Variants in ITPKB observed in about 807,000 individuals in gnomAD.
ITPKB encodes inositol-trisphosphate 3-kinase B.
A neutral mutation model predicts 69.4 loss-of-function variants in ITPKB; 13 were observed. The observed-to-expected ratio is 0.19, with a 90% confidence interval of 0.12 to 0.30. The LOEUF is 0.30. Among genes scored for constraint, ITPKB ranks in the 10% least tolerant of loss-of-function variants. The pLI is 1.00. For synonymous variants in ITPKB, 584 were observed against 513.7 expected (o/e 1.14, Z -1.85); for missense variants, 1,240 against 1,250.5 (o/e 0.99, Z 0.13).
In ITPKB at chr1:226,637,394, G is replaced by A. The variant is rs573993954; in HGVS notation, c.2625+285C>T. Among the ~76,000 whole-genome samples the A allele has an allele frequency of 2.7e-4, 41 of 152,358 alleles. No homozygotes were observed. Among genetic ancestry groups the A allele is most frequent in the Non-Finnish European group, 4.9e-4 (33 of 68,026 alleles). Reference sequence around the variant, plus strand: ...CTGAGACCACGGGTGTGTGGGATATGAGTCCTGCCACCACTGCCCAGAATG... The same window carrying A: ...CTGAGACCACGGGTGTGTGGGATATAAGTCCTGCCACCACTGCCCAGAATG... On this transcript the variant is annotated intron_variant, in intron 7 of 7. Transcript: ENST00000429204. The surrounding 1 kb of genome is among the most constrained non-coding windows in gnomAD (Gnocchi z 4.3).
At chr1:226,707,029 T>C (rs1247889606) in intron 2 of ITPKB, among the ~76,000 whole-genome samples, 1 of 152,144 alleles carries the variant, frequency 6.6e-6, no homozygotes, top group Admixed American at 6.5e-5. Context: ...CTAAGGGTGG[T>C]TGCATAAGAA....
intron 2 of ITPKB, among the ~76,000 whole-genome samples, chr1:226,708,134 G>T (rs1656855970): frequency 6.6e-6 from 1 of 152,090 alleles, no homozygotes; most frequent in Non-Finnish European, 1.5e-5. Context: ...CAATCAGATT[G>T]CAATTATGTA....
At position 226,658,030 on chromosome 1, in the gene ITPKB, G is replaced by C. The variant is rs575847910; in HGVS notation, c.1933-9259C>G. ...CACATCTAACAAAGCGTCGAAAGTG[G>C]ATGAAGAACGCCCCTGCCAGGGGAG... On this transcript the variant is annotated intron_variant, in intron 2 of 7. Transcript: ENST00000429204. Among the ~76,000 whole-genome samples the C allele has an allele frequency of 5.3e-5, 8 of 152,326 alleles. No homozygotes were observed. The South Asian group carries it at 8.3e-4, about 16-fold the overall frequency.
rs1373594099 is a variant in ITPKB at position 226,650,257 on chromosome 1, T to TA, written c.1933-1487dup. Among the ~76,000 whole-genome samples, 4 of 152,226 alleles carry TA rather than the reference T, an allele frequency of 2.6e-5. No homozygotes were observed. In the South Asian group the frequency reaches 8.3e-4, roughly 32 times the overall value. On this transcript the variant is annotated intron_variant, in intron 2 of 7. Transcript: ENST00000429204. ...CGCTTCTGTCATCAGGTTTTCAAGT[T>TA]AAAATCTATTTAAGGAGAGGAATTC...
intron 2 of ITPKB, among the ~76,000 whole-genome samples, chr1:226,717,468 G>A (rs1034864520): frequency 1.3e-5 from 2 of 152,130 alleles, no homozygotes; most frequent in East Asian, 3.8e-4. Flanking sequence ...GAGAGACAAA[G>A]GGAAGCACCA....
intron 2 of ITPKB, among the ~76,000 whole-genome samples, chr1:226,716,952 G>A (rs1657111123): frequency 6.6e-6 from 1 of 152,178 alleles, no homozygotes; most frequent in African/African-American, 2.4e-5. Flanking sequence ...CACCAAAGGA[G>A]ATTTTGCAAA....
At position 226,737,367 on chromosome 1, in the gene ITPKB, C is replaced by T; in HGVS notation, c.92G>A (p.Ser31Asn). ...CCTCCTCGGGGGCGGGGGCGTCTCGCTGCCACTGGGCCCCGGGCCGCCGCC... is the reference window on the plus strand; with the variant it reads ...CCTCCTCGGGGGCGGGGGCGTCTCGTTGCCACTGGGCCCCGGGCCGCCGCC... ...KSGGGPGPSG[S>N]ETPPPPRRAV... Residue 31 changes from serine (S) to asparagine (N), a missense_variant, in exon 2 of 8, where the codon AGC becomes AAC. Ser to Asn is a conservative substitution (Grantham distance 46). Around this residue, in one of 2 missense-constraint regions of ITPKB, gnomAD observed 992 missense variants for 853.8 expected, o/e 1.16. Transcript: ENST00000429204. The T allele has an allele frequency of 6.2e-7, 1 of 1,608,154 alleles. No individual in the cohort carries two copies. The highest frequency in any genetic ancestry group is 8.5e-7 in the Non-Finnish European group (1 of 1,179,134).
chr1:226,670,882 T>C (rs960279156), intron 2 of ITPKB, among the ~76,000 whole-genome samples: 1 of 152,232 alleles, frequency 6.6e-6, no homozygotes, highest in Admixed American at 6.5e-5. Flanking sequence ...CGTAGGGTTA[T>C]GATGATACCT....
At chr1:226,725,147 C>T (rs922833993) in intron 2 of ITPKB, among the ~76,000 whole-genome samples, 2 of 152,186 alleles carry the variant, frequency 1.3e-5, no homozygotes, top group Admixed American at 6.5e-5. Flanking sequence ...GCTCAATGGC[C>T]GTACAACTTG....
chr1:226,696,514 G>A (rs549055234), intron 2 of ITPKB, among the ~76,000 whole-genome samples: 12 of 152,188 alleles, frequency 7.9e-5, no homozygotes, highest in South Asian at 2.1e-4. Context: ...GCACATGCCC[G>A]GCCCCTGTAT....
At chr1:226,691,929 G>C (rs1656363667) in intron 2 of ITPKB, among the ~76,000 whole-genome samples, 1 of 152,292 alleles carries the variant, frequency 6.6e-6, no homozygotes, top group East Asian at 1.9e-4. Context: ...GGCCCACCTG[G>C]AGTCTGTAGC....
chr1:226,647,299 A>G lies in ITPKB; in HGVS notation c.2114T>C (p.Val705Ala). Reference protein sequence around the residue: ...SEQRCLDRLMVDVLRPFVPAY... With the variant: ...SEQRCLDRLMADVLRPFVPAY... Reference sequence around the variant, plus strand: ...AGGTACGAAGGGCCTCAGCACATCCACCATCAGCCGGTCCAGGCAGCGCTG... The same window carrying G: ...AGGTACGAAGGGCCTCAGCACATCCGCCATCAGCCGGTCCAGGCAGCGCTG... Residue 705 changes from valine (V) to alanine (A), a missense_variant, in exon 4 of 8, where the codon GTG (valine) becomes GCG (alanine). By Grantham distance (64) the Val-to-Ala change is moderately conservative. This residue lies in a region of ITPKB where 248 missense variants were observed against 396.7 expected (regional missense o/e 0.63). Coordinates refer to ENST00000429204, the MANE Select transcript of ITPKB (RefSeq NM_002221.4). 1.2e-6 allele frequency: 2 copies of G among 1,614,174 alleles called. No individual in the cohort carries two copies. Among genetic ancestry groups the G allele is most frequent in the Non-Finnish European group, 1.7e-6 (2 of 1,180,006 alleles).
intron 2 of ITPKB, among the ~76,000 whole-genome samples, chr1:226,712,880 A>AAC (rs1287935124): frequency 6.6e-6 from 1 of 152,146 alleles, no homozygotes; most frequent in Non-Finnish European, 1.5e-5. Context: ...TTAAGCAGCT[A>AAC]TCAGCAAACC....
rs117216294 is a variant in ITPKB at position 226,682,948 on chromosome 1, A to G, written c.1933-34177T>C. Among the ~76,000 whole-genome samples, 3 of 152,278 alleles carry G rather than the reference A, an allele frequency of 2.0e-5. No homozygotes were observed. In the East Asian group the frequency reaches 5.8e-4, roughly 29 times the overall value. ...GTTCTACCTACCAAAGTGGGTAGCA[A>G]TCAGACTGGATTGTGTCACCCTGGA... On this transcript the variant is annotated intron_variant, in intron 2 of 7. Coordinates refer to ENST00000429204, the MANE Select transcript of ITPKB (RefSeq NM_002221.4).
chr1:226,657,481 C>A (rs1472926471), intron 2 of ITPKB, among the ~76,000 whole-genome samples: 1 of 151,984 alleles, frequency 6.6e-6, no homozygotes, highest in Non-Finnish European at 1.5e-5. Flanking sequence ...AAAGAGTCTC[C>A]CTTTGTTGTT....
At chr1:226,732,736 A>G (rs1657629441) in intron 2 of ITPKB, among the ~76,000 whole-genome samples, 1 of 152,198 alleles carries the variant, frequency 6.6e-6, no homozygotes, top group African/African-American at 2.4e-5. Flanking sequence ...GTTGTCAGAA[A>G]GAACAAAAGA....
chr1:226,642,901 A>G lies in ITPKB; in HGVS notation c.2247-776T>C, dbSNP rs1367225250. Among the ~76,000 whole-genome samples the G allele has an allele frequency of 6.6e-6, 1 of 152,186 alleles. No individual in the cohort carries two copies. The highest frequency in any genetic ancestry group is 1.5e-5 in the Non-Finnish European group (1 of 68,034). ...CCAAAGAGGTGAAATCTTCTGGAGC[A>G]CAAAGTTCAGGTCAGAAAGTGGCCT... On this transcript the variant is annotated intron_variant, in intron 4 of 7. Coordinates refer to ENST00000429204, the MANE Select transcript of ITPKB (RefSeq NM_002221.4). The surrounding 1 kb of genome is among the most constrained non-coding windows in gnomAD (Gnocchi z 6.4).
chr1:226,721,502 CTTTTTT>C (rs748076670), intron 2 of ITPKB, among the ~76,000 whole-genome samples: 3 of 149,336 alleles, frequency 2.0e-5, no homozygotes, highest in Non-Finnish European at 4.5e-5. Flanking sequence ...GAACTATTTT[CTTTTTT>C]TTTTGAGACG....
chr1:226,723,315 C>T (rs535808556), intron 2 of ITPKB, among the ~76,000 whole-genome samples: 3 of 152,266 alleles, frequency 2.0e-5, no homozygotes, highest in Admixed American at 2.0e-4. Context: ...GCACAGTGTA[C>T]TTCAGAGACC....
Sources: allele counts gnomAD v4.1 joint callset (sites outside exome capture counted in the v4.1 genomes callset), GRCh38; gene constraint gnomAD v4.1.1; regional missense constraint gnomAD v4.1.1; non-coding constraint Gnocchi (gnomAD v3.1); transcripts MANE v1.5; gene names NCBI Gene and HGNC (gene_info 2026-07-23, HGNC 2026-07-21).